Variants in GOLIM4 observed in about 807,000 individuals in gnomAD.
The protein encoded by GOLIM4 is 130 kDa golgi-localized phosphoprotein.
Under a neutral mutation model 107.4 loss-of-function variants are expected in GOLIM4, and 71 were observed. The ratio of observed to expected loss-of-function variants is 0.66; its 90% CI spans 0.55 to 0.81. The LOEUF (loss-of-function observed/expected upper bound fraction) is 0.81. GOLIM4 is among the 30% of genes least tolerant of loss of function. The pLI is 0.00. For synonymous variants in GOLIM4, 327 were observed against 294.8 expected (o/e 1.11, Z -1.12); for missense variants, 830 against 826.1 (o/e 1.00, Z -0.06).
rs544577833 is a variant in GOLIM4 at position 168,030,357 on chromosome 3, A to T, written c.1177-321T>A. ...AAATTTATGTTCACAAGGCTCTGAT[A>T]TAAACAAGTAGTTGGTAACTTTGGT... On this transcript the variant is annotated intron_variant, in intron 9 of 15. Coordinates refer to ENST00000470487, the MANE Select transcript of GOLIM4 (RefSeq NM_014498.5). Among the ~76,000 whole-genome samples the T allele has an allele frequency of 5.0e-3, 757 of 152,338 alleles. 6 individuals are homozygous for T. The highest frequency in any genetic ancestry group is 0.01 in the Middle Eastern group (3 of 294).
Position 168,010,158 on chromosome 3 carries a change from C to G in GOLIM4, c.*111G>C. ...TCTAATACAAAAGTTTTAAAAAAGT[C>G]TAAGTTCTTAATTTTTGTAATTAAA... On this transcript the variant is annotated 3_prime_UTR_variant, in exon 16 of 16. Coordinates refer to ENST00000470487, the MANE Select transcript of GOLIM4 (RefSeq NM_014498.5). The G allele has an allele frequency of 1.0e-6, 1 of 979,116 alleles. No homozygotes were observed. Among genetic ancestry groups the G allele is most frequent in the Non-Finnish European group, 1.5e-6 (1 of 674,560 alleles). The allele number at this position is 979,116 out of a possible 1,614,324, so 60.7% of individuals were successfully genotyped here. A position where few individuals can be genotyped will look rare whatever the true frequency, so the allele number is the denominator to read the frequency against.
At chr3:168,086,220 C>G (rs1427901280) in intron 1 of GOLIM4, among the ~76,000 whole-genome samples, 2 of 151,964 alleles carry the variant, frequency 1.3e-5, no homozygotes, top group African/African-American at 4.8e-5. Flanking sequence ...TCATAGATTT[C>G]TAATATTAAT....
At chr3:168,083,964 C>T (rs1721495917) in intron 1 of GOLIM4, among the ~76,000 whole-genome samples, 1 of 152,164 alleles carries the variant, frequency 6.6e-6, no homozygotes, top group Non-Finnish European at 1.5e-5. Flanking sequence ...AACACCTTCA[C>T]TTTTATCTTC....
intron 3 of GOLIM4, 142 bp downstream of exon 3, chr3:168,046,806 CAA>C (rs10663226): frequency 0.014 from 5,180 of 360,380 alleles, no homozygotes; most frequent in South Asian, 0.029. Context: ...TTTTGGCAGC[CAA>C]AAAAAAAAAA....
chr3:168,018,832 G>A (rs4591536), intron 14 of GOLIM4, among the ~76,000 whole-genome samples: 31,398 of 151,892 alleles, frequency 0.21, 7,379 homozygotes, highest in African/African-American at 0.58. Flanking sequence ...GAGACTGGGG[G>A]AAAAAACAGC....
intron 1 of GOLIM4, among the ~76,000 whole-genome samples, chr3:168,093,416 G>A (rs1241136701): frequency 6.6e-6 from 1 of 152,172 alleles, no homozygotes; most frequent in Non-Finnish European, 1.5e-5. Flanking sequence ...GTGTGGTGCT[G>A]AGGAGGTAAT....
intron 1 of GOLIM4, among the ~76,000 whole-genome samples, chr3:168,061,591 G>T (rs1471240380): frequency 2.0e-5 from 3 of 152,176 alleles, no homozygotes; most frequent in Non-Finnish European, 2.9e-5. Context: ...ATAAGCTGTG[G>T]TTGTTCAAAA....
intron 1 of GOLIM4, among the ~76,000 whole-genome samples, chr3:168,054,215 C>G (rs1375376740): frequency 6.6e-6 from 1 of 152,156 alleles, no homozygotes; most frequent in Non-Finnish European, 1.5e-5. Context: ...TTAATAAGCC[C>G]TTTCCCACAC....
intron 1 of GOLIM4, among the ~76,000 whole-genome samples, chr3:168,061,579 G>A (rs1003250791): frequency 3.3e-5 from 5 of 152,130 alleles, no homozygotes; most frequent in Non-Finnish European, 5.9e-5. Flanking sequence ...ATAGTAGAAC[G>A]GATAAGCTGT....
chr3:168,043,600 C>T (rs952734678), intron 4 of GOLIM4, 71 bp from the exon 5 acceptor site: 10 of 1,231,768 alleles, frequency 8.1e-6, no homozygotes, highest in Non-Finnish European at 1.1e-5. Context: ...CTTGACAGCA[C>T]AGTAAACAAA....
intron 8 of GOLIM4, among the ~76,000 whole-genome samples, chr3:168,033,144 T>C (rs112014096): frequency 3.3e-5 from 5 of 152,304 alleles, no homozygotes; most frequent in African/African-American, 1.2e-4. Context: ...TAATTCCTAT[T>C]TTCCCTTAGA....
chr3:168,052,423 T>C (rs1189434940), intron 1 of GOLIM4, among the ~76,000 whole-genome samples: 2 of 152,082 alleles, frequency 1.3e-5, no homozygotes, highest in African/African-American at 2.4e-5. Flanking sequence ...CACAGATGTA[T>C]ACACACACAT....
chr3:168,066,460 T>C (rs1296699038), intron 1 of GOLIM4, among the ~76,000 whole-genome samples: 1 of 152,186 alleles, frequency 6.6e-6, no homozygotes, highest in Non-Finnish European at 1.5e-5. Context: ...GCTGTTATTT[T>C]TTCATTGACA....
intron 1 of GOLIM4, among the ~76,000 whole-genome samples, chr3:168,069,831 C>T (rs978377668): frequency 1.1e-4 from 16 of 152,092 alleles, no homozygotes; most frequent in African/African-American, 2.4e-4. Context: ...ATCTTAAAAG[C>T]GGATCATTAG....
chr3:168,025,111 A>G lies in GOLIM4; in HGVS notation c.1624-16T>C, dbSNP rs760849039. On this transcript the variant is annotated splice_polypyrimidine_tract_variant and intron_variant, in intron 12 of 15. Transcript: ENST00000470487. ...CAGCTGCCCTCTGTAAAATTTTAATAAAAAGCAACTATCACTTCAAAACTG... is the reference window on the plus strand; with the variant it reads ...CAGCTGCCCTCTGTAAAATTTTAATGAAAAGCAACTATCACTTCAAAACTG... The G allele has an allele frequency of 1.3e-5, 21 of 1,590,504 alleles. No homozygotes were observed. The South Asian group carries it at 1.9e-4, about 15-fold the overall frequency.
intron 8 of GOLIM4, among the ~76,000 whole-genome samples, chr3:168,034,830 A>AAGCTCTC (rs1718548341): frequency 1.3e-5 from 2 of 152,192 alleles, no homozygotes; most frequent in African/African-American, 4.8e-5. Flanking sequence ...TACCCTGCAC[A>AAGCTCTC]AGCTCTCTCT....
intron 1 of GOLIM4, among the ~76,000 whole-genome samples, chr3:168,059,850 A>G (rs9871669): frequency 0.2 from 29,977 of 152,098 alleles, 3,682 homozygotes; most frequent in Middle Eastern, 0.3. Flanking sequence ...TGAAAGACTG[A>G]AGGGGTCAGT....
At chr3:168,064,602 A>ATT (rs202087898) in intron 1 of GOLIM4, among the ~76,000 whole-genome samples, 25,180 of 144,420 alleles carry the variant, frequency 0.17, 2,317 homozygotes, top group Middle Eastern at 0.24. Flanking sequence ...ATACTTGGGG[A>ATT]TTTTTTTTTT....
rs1577515528 is a variant in GOLIM4, at chr3:168,029,398, G to A, written c.1434-96C>T. 10 of 737,818 alleles carry A rather than the reference G, an allele frequency of 1.4e-5. No individual in the cohort carries two copies. The East Asian group carries it at 2.2e-4, about 16-fold the overall frequency. The allele number at this position is 737,818 out of a possible 1,614,324, so 45.7% of individuals were successfully genotyped here. A position where few individuals can be genotyped will look rare whatever the true frequency, so the allele number is the denominator to read the frequency against. ...ATCTTTAAAGACAGTAATAAGTAAT[G>A]TTTCTCAACATTTTTAAGAAGCCAT... On this transcript the variant is annotated intron_variant, in intron 10 of 15. Coordinates refer to ENST00000470487, the MANE Select transcript of GOLIM4 (RefSeq NM_014498.5).
Sources: allele counts gnomAD v4.1 joint callset (sites outside exome capture counted in the v4.1 genomes callset), GRCh38; gene constraint gnomAD v4.1.1; transcripts MANE v1.5; gene names NCBI Gene and HGNC (gene_info 2026-07-23, HGNC 2026-07-21).